The following TRPM3 variants were observed in gnomAD, a reference collection of about 807,000 sequenced individuals.
TRPM3 encodes the protein long transient receptor potential channel 3.
TRPM3 carries 77 observed loss-of-function variants against 181.2 expected under a neutral mutation model. The observed-to-expected ratio is 0.42, with a 90% confidence interval of 0.35 to 0.51. The LOEUF is 0.51. TRPM3 is among the 20% of genes least tolerant of loss of function. The pLI, the probability that TRPM3 is intolerant of heterozygous loss-of-function variation, is 0.01. For missense variants in TRPM3, 1,759 were observed against 2,196.7 expected (o/e 0.80, Z 3.98); for synonymous variants, 745 against 796.4 (o/e 0.94, Z 1.09).
At chr9:71,035,122 A>G (rs1168104548) in intron 1 of TRPM3, among the ~76,000 whole-genome samples, 1 of 152,192 alleles carries the variant, frequency 6.6e-6, no homozygotes, top group East Asian at 1.9e-4. Context: ...GAATTATTCC[A>G]AAAGCTTTCT....
rs569673373 is a variant in TRPM3 at position 71,328,554 on chromosome 9, C to T, written c.183+118099G>A. On this transcript the variant is annotated intron_variant, in intron 1 of 24. Transcript: ENST00000357533. ...TACAAAAATGTCTGTTTTTTACTTT[C>T]CCAATTCTGAAAAAATCCTTGGTAG... Among the ~76,000 whole-genome samples the T allele has an allele frequency of 2.6e-3, 401 of 152,262 alleles. 2 individuals carry two copies. Among genetic ancestry groups the T allele is most frequent in the Middle Eastern group, 3.4e-3 (1 of 294 alleles).
intron 3 of TRPM3, among the ~76,000 whole-genome samples, chr9:70,857,541 CAT>C (rs978003124): frequency 1.8e-4 from 27 of 152,206 alleles, no homozygotes; most frequent in African/African-American, 5.8e-4. Flanking sequence ...TAGCTAGAAA[CAT>C]AATAATAATT....
At chr9:71,242,339 C>T (rs1209159300) in intron 1 of TRPM3, among the ~76,000 whole-genome samples, 1 of 152,132 alleles carries the variant, frequency 6.6e-6, no homozygotes, top group East Asian at 1.9e-4. Context: ...GAGGAAATGT[C>T]TAATTTCCCA....
At chr9:71,235,373 T>C (rs149804324) in intron 1 of TRPM3, among the ~76,000 whole-genome samples, 46 of 152,352 alleles carry the variant, frequency 3.0e-4, no homozygotes, top group African/African-American at 9.1e-4. Context: ...TTTTTTACGC[T>C]TTATTGTCTG....
intron 1 of TRPM3, among the ~76,000 whole-genome samples, chr9:71,400,186 C>T (rs1269258157): frequency 6.6e-6 from 1 of 152,112 alleles, no homozygotes. Flanking sequence ...TTTTGCCACT[C>T]CTGGACTCAA....
chr9:70,799,863 T>C (rs927444328), intron 6 of TRPM3, among the ~76,000 whole-genome samples: 14 of 152,154 alleles, frequency 9.2e-5, no homozygotes, highest in African/African-American at 2.7e-4. Context: ...AACAACTTCA[T>C]CATTAATAAA....
At chr9:71,333,041 G>A (rs1229103218) in intron 1 of TRPM3, among the ~76,000 whole-genome samples, 1 of 151,762 alleles carries the variant, frequency 6.6e-6, no homozygotes, top group Non-Finnish European at 1.5e-5. Flanking sequence ...TGGACTCCAC[G>A]TGGTTATTTT....
At chr9:71,286,697 A>G (rs2085301387) in intron 1 of TRPM3, among the ~76,000 whole-genome samples, 2 of 152,046 alleles carry the variant, frequency 1.3e-5, no homozygotes, top group African/African-American at 4.8e-5. Flanking sequence ...TACTACTGAT[A>G]AAAATCACGT....
At chr9:71,286,310 T>C (rs2085274934) in intron 1 of TRPM3, among the ~76,000 whole-genome samples, 1 of 152,338 alleles carries the variant, frequency 6.6e-6, no homozygotes, top group Admixed American at 6.5e-5. Context: ...GGAGGGCATG[T>C]AATTTATTTG....
chr9:70,833,520 AC>A, intron 5 of TRPM3, among the ~76,000 whole-genome samples: 1 of 152,180 alleles, frequency 6.6e-6, no homozygotes, highest in Non-Finnish European at 1.5e-5. Flanking sequence ...CCAAGGATTA[AC>A]CCATTGACGG....
At chr9:71,199,609 T>C (rs1489730151) in intron 1 of TRPM3, among the ~76,000 whole-genome samples, 1 of 152,256 alleles carries the variant, frequency 6.6e-6, no homozygotes, top group Non-Finnish European at 1.5e-5. Context: ...TGGGAGAGTG[T>C]ATGTGTCAAG....
rs377147479 is a variant in TRPM3 at position 71,129,889 on chromosome 9, C to A, written c.184-265378G>T. On this transcript the variant is annotated intron_variant, in intron 1 of 24. Coordinates refer to the TRPM3 transcript ENST00000357533. ...GCTGACTTCCATATCCCTTTCCCTA[C>A]CTTCTAGTTACATCTGGCTGGCCTC... Among the ~76,000 whole-genome samples, 3 of 152,280 alleles carry A rather than the reference C, an allele frequency of 2.0e-5. No homozygotes were observed. In the South Asian group the frequency reaches 6.2e-4, roughly 32 times the overall value.
chr9:70,761,497 C>G, intron 8 of TRPM3, 104 bp downstream of exon 8: 1 of 1,545,690 alleles, frequency 6.5e-7, no homozygotes, highest in Non-Finnish European at 8.9e-7. Flanking sequence ...GCTGTAAGCT[C>G]GGCCAGAAAG....
At chr9:70,560,253 A>T (rs1459493245) in intron 22 of TRPM3, among the ~76,000 whole-genome samples, 1 of 152,180 alleles carries the variant, frequency 6.6e-6, no homozygotes, top group Non-Finnish European at 1.5e-5. Context: ...ACCATTCCAT[A>T]TATCCAAAAA....
At chr9:70,956,851 A>G (rs1186103882) in intron 1 of TRPM3, among the ~76,000 whole-genome samples, 1 of 151,688 alleles carries the variant, frequency 6.6e-6, no homozygotes, top group East Asian at 1.9e-4. Context: ...ACACCAATGC[A>G]CTCCAGCCTG....
chr9:70,620,879 A>T (rs1339634671), intron 15 of TRPM3, among the ~76,000 whole-genome samples: 1 of 151,792 alleles, frequency 6.6e-6, no homozygotes, highest in East Asian at 1.9e-4. Context: ...ATAGATTTTG[A>T]TTACTAGAAT....
intron 1 of TRPM3, among the ~76,000 whole-genome samples, chr9:71,217,740 C>T (rs931139057): frequency 7.9e-5 from 12 of 152,088 alleles, no homozygotes; most frequent in African/African-American, 1.4e-4. Flanking sequence ...GGTAATCCAC[C>T]GGGGAACCAA....
chr9:70,887,527 G>A (rs1166807528), intron 1 of TRPM3, among the ~76,000 whole-genome samples: 2 of 152,278 alleles, frequency 1.3e-5, no homozygotes, highest in East Asian at 3.9e-4. Flanking sequence ...ATTTATGCCA[G>A]CATGATGCCT....
intron 19 of TRPM3, 35 bp downstream of exon 19, chr9:70,610,574 C>A: frequency 6.2e-7 from 1 of 1,601,624 alleles, no homozygotes; most frequent in South Asian, 1.1e-5. Flanking sequence ...TCCTTGTGGC[C>A]ATCCACTAGG....
Sources: allele counts gnomAD v4.1 joint callset (sites outside exome capture counted in the v4.1 genomes callset), GRCh38; gene constraint gnomAD v4.1.1; transcripts MANE v1.5; gene names NCBI Gene and HGNC (gene_info 2026-07-23, HGNC 2026-07-21).